Variants in CUX1 observed in about 807,000 individuals in gnomAD.
The protein encoded by CUX1 is cut like homeobox 1.
Under a neutral mutation model 158.8 loss-of-function variants are expected in CUX1, and 31 were observed. The observed-to-expected ratio is 0.20, with a 90% CI of 0.15 to 0.26. The LOEUF (loss-of-function observed/expected upper bound fraction) is 0.26, where lower values mean the gene tolerates loss of function less well. CUX1 is among the 10% of genes least tolerant of loss of function. The probability of loss-of-function intolerance (pLI) is 1.00; values close to 1 mark genes in which losing one functional copy is unlikely to be tolerated. For missense variants in CUX1, 1,589 were observed against 2,014.6 expected, an observed-to-expected ratio of 0.79 and a Z score of 4.04; for synonymous variants, 879 against 862.1, an observed-to-expected ratio of 1.02 and a Z score of -0.34.
intron 20 of CUX1, among the ~76,000 whole-genome samples, chr7:102,221,429 T>C (rs991105973): frequency 1.3e-5 from 2 of 152,222 alleles, no homozygotes; most frequent in Non-Finnish European, 2.9e-5. Flanking sequence ...ACTGCTCAAA[T>C]GAACACTAAA....
At chr7:102,212,771 C>A (rs952168398) in intron 20 of CUX1, among the ~76,000 whole-genome samples, 1 of 151,316 alleles carries the variant, frequency 6.6e-6, no homozygotes, top group South Asian at 2.1e-4. Flanking sequence ...CTCAAAAAGG[C>A]CGTGTGCCTT....
At chr7:102,175,612 G>T (rs1484951471) in intron 10 of CUX1, among the ~76,000 whole-genome samples, 1 of 151,920 alleles carries the variant, frequency 6.6e-6, no homozygotes, top group Non-Finnish European at 1.5e-5. Context: ...CCCTTCCCCG[G>T]CACCCACCCT....
chr7:101,995,329 G>T (rs1283324390), intron 2 of CUX1, among the ~76,000 whole-genome samples: 1 of 152,156 alleles, frequency 6.6e-6, no homozygotes, highest in African/African-American at 2.4e-5. Context: ...CACAGAAACT[G>T]TTCCCAGTCA....
intron 1 of CUX1, among the ~76,000 whole-genome samples, chr7:101,914,414 C>A (rs1803918910): frequency 7.5e-6 from 1 of 133,750 alleles, no homozygotes; most frequent in Non-Finnish European, 1.6e-5. Context: ...CTCCCTCCCT[C>A]TTTCCCTCCC....
chr7:102,076,009 C>G (rs1364527308), intron 4 of CUX1, among the ~76,000 whole-genome samples: 2 of 145,830 alleles, frequency 1.4e-5, no homozygotes, highest in Non-Finnish European at 3.0e-5. Context: ...CCCCCACCAT[C>G]CCCACCCGCC....
intron 23 of CUX1, among the ~76,000 whole-genome samples, chr7:102,245,906 A>G (rs935615634): frequency 1.7e-4 from 26 of 151,262 alleles, no homozygotes; most frequent in Non-Finnish European, 3.2e-4. Flanking sequence ...CAAGAGGCAG[A>G]GGTTGCAGTG....
intron 2 of CUX1, among the ~76,000 whole-genome samples, chr7:101,943,078 C>CTTTTTTTTTTTTTTTTTTTTTT (rs58332486): frequency 1.9e-4 from 15 of 80,322 alleles, no homozygotes; most frequent in Middle Eastern, 0.013. Flanking sequence ...CTGGTCAGTG[C>CTTTTTTTTTTTTTTTTTTTTTT]TTTTTTTTTT....
chr7:102,217,836 C>CACGATG (rs1797405161), intron 20 of CUX1, among the ~76,000 whole-genome samples: 6 of 91,170 alleles, frequency 6.6e-5, no homozygotes, highest in African/African-American at 2.9e-4. Context: ...TCTGGATGGA[C>CACGATG]GTGATGGTGT....
In CUX1 at chr7:102,049,020, G is replaced by A. The variant is rs142093864; in HGVS notation, c.189+20875G>A. ...CCAGCCAGGTGGGCCAGCGGTCACC[G>A]AGATCCTTCCTCGCTGGGGGATGGA... On this transcript the variant is annotated intron_variant, in intron 3 of 23. Coordinates refer to ENST00000292535, the MANE Select transcript of CUX1 (RefSeq NM_181552.4). Among the ~76,000 whole-genome samples, 9 of 152,152 alleles carry A rather than the reference G, an allele frequency of 5.9e-5. No individual in the cohort carries two copies. The South Asian group carries it at 6.2e-4, about 11-fold the overall frequency.
intron 1 of CUX1, among the ~76,000 whole-genome samples, chr7:101,894,105 G>T (rs1458896325): frequency 6.6e-6 from 1 of 152,196 alleles, no homozygotes; most frequent in Non-Finnish European, 1.5e-5. Flanking sequence ...CGCCTGAAAA[G>T]CTGCCTCGGG....
chr7:101,943,883 C>T (rs764427398), intron 2 of CUX1, among the ~76,000 whole-genome samples: 24 of 150,630 alleles, frequency 1.6e-4, no homozygotes, highest in Non-Finnish European at 2.7e-4. Context: ...TTACAGAGGC[C>T]GAGGTGGGAG....
intron 11 of CUX1, among the ~76,000 whole-genome samples, chr7:102,180,312 G>GA (rs1792888455): frequency 7.0e-6 from 1 of 141,948 alleles, no homozygotes; most frequent in Non-Finnish European, 1.5e-5. Context: ...GTGAGCCACT[G>GA]CCTTTTTTTT....
intron 2 of CUX1, among the ~76,000 whole-genome samples, chr7:101,957,616 G>A (rs1356940835): frequency 6.6e-6 from 1 of 151,950 alleles, no homozygotes; most frequent in Non-Finnish European, 1.5e-5. Context: ...GTCCTAGCTA[G>A]TAGGGAGGCT....
At chr7:102,276,151 T>C (rs900936020) in intron 17 of CUX1, among the ~76,000 whole-genome samples, 2 of 152,220 alleles carry the variant, frequency 1.3e-5, no homozygotes, top group Non-Finnish European at 2.9e-5. Context: ...GCTGTGAACA[T>C]GGGTGTATAA....
intron 2 of CUX1, among the ~76,000 whole-genome samples, chr7:101,959,209 GT>G (rs1380854248): frequency 6.7e-6 from 1 of 150,350 alleles, no homozygotes; most frequent in Non-Finnish European, 1.5e-5. Flanking sequence ...CCCCCAGAAT[GT>G]TTTCCTTACC....
chr7:102,105,529 T>TTTA (rs1156342549), intron 6 of CUX1, among the ~76,000 whole-genome samples: 5 of 148,014 alleles, frequency 3.4e-5, no homozygotes, highest in South Asian at 2.2e-4. Flanking sequence ...TTTTTTTTTT[T>TTTA]AAGACAGAGT....
chr7:101,855,065 A>G (rs1584772131), intron 1 of CUX1, among the ~76,000 whole-genome samples: 3 of 152,320 alleles, frequency 2.0e-5, no homozygotes, highest in Non-Finnish European at 2.9e-5. Context: ...ATGCCCCACA[A>G]TGGTGACCTC....
intron 18 of CUX1, among the ~76,000 whole-genome samples, chr7:102,278,938 G>A (rs1450287190): frequency 1.3e-5 from 2 of 152,016 alleles, no homozygotes; most frequent in Non-Finnish European, 2.9e-5. Flanking sequence ...TACTCAGGAG[G>A]CTGAGGTGGG....
intron 1 of CUX1, among the ~76,000 whole-genome samples, chr7:101,907,939 G>A (rs1214392324): frequency 6.6e-6 from 1 of 151,968 alleles, no homozygotes; most frequent in African/African-American, 2.4e-5. Context: ...GGACAACATA[G>A]CAAGACTTCC....
Sources: allele counts gnomAD v4.1 joint callset (sites outside exome capture counted in the v4.1 genomes callset), GRCh38; gene constraint gnomAD v4.1.1; transcripts MANE v1.5; gene names NCBI Gene and HGNC (gene_info 2026-07-23, HGNC 2026-07-21).